LLGL2: variants seen among roughly 807,000 people sequenced by gnomAD.
LLGL2 encodes LLGL scribble cell polarity complex component 2.
A neutral mutation model predicts 123.2 loss-of-function variants in LLGL2; 81 were observed. The observed-to-expected ratio is 0.66, with a 90% CI of 0.55 to 0.79. The LOEUF (loss-of-function observed/expected upper bound fraction) is 0.79. Among genes scored for constraint, LLGL2 ranks in the 30% least tolerant of loss-of-function variants. The pLI, the probability that LLGL2 is intolerant of heterozygous loss-of-function variation, is 0.00. For synonymous variants in LLGL2, 577 were observed against 594.1 expected, an observed-to-expected ratio of 0.97 and a Z score of 0.42; for missense variants, 1,273 against 1,414.6, an observed-to-expected ratio of 0.90 and a Z score of 1.61.
At chr17:75,571,845 G>C in intron 18 of LLGL2, 53 bp from the exon 19 acceptor site, 1 of 1,605,400 alleles carries the variant, frequency 6.2e-7, no homozygotes, top group Admixed American at 1.7e-5. Flanking sequence ...CCAGGGAGTG[G>C]CTCCAGCCCT....
At chr17:75,528,441 C>T (rs368997071) in intron 1 of LLGL2, among the ~76,000 whole-genome samples, 2 of 151,898 alleles carry the variant, frequency 1.3e-5, no homozygotes, top group African/African-American at 4.8e-5. Context: ...TATACCGCAA[C>T]ATTAAAAGAA....
intron 3 of LLGL2, among the ~76,000 whole-genome samples, chr17:75,556,760 T>A (rs1027665778): frequency 4.6e-5 from 7 of 152,178 alleles, no homozygotes; most frequent in Admixed American, 1.3e-4. Context: ...GTTTTTAATT[T>A]AAAAAAATTT....
intron 1 of LLGL2, among the ~76,000 whole-genome samples, chr17:75,540,410 C>T (rs2054162550): frequency 6.6e-6 from 1 of 152,206 alleles, no homozygotes; most frequent in Non-Finnish European, 1.5e-5. Flanking sequence ...GCCCACCCTG[C>T]CTTGGTCCTC....
intron 10 of LLGL2, among the ~76,000 whole-genome samples, chr17:75,565,938 C>G (rs1034804476): frequency 6.6e-6 from 1 of 152,198 alleles, no homozygotes; most frequent in Non-Finnish European, 1.5e-5. Flanking sequence ...GAACTTAGAT[C>G]TGAGTATGTG....
chr17:75,569,948 T>C lies in LLGL2; in HGVS notation c.1582-15T>C. On this transcript the variant is annotated splice_polypyrimidine_tract_variant and intron_variant, in intron 14 of 25. Transcript: ENST00000392550. ...TTTGCTGAGGGCTTGCTGAGCCACCTGCCACCCTGCGCAGGTGCTGGTACT... is the reference window on the plus strand; with the variant it reads ...TTTGCTGAGGGCTTGCTGAGCCACCCGCCACCCTGCGCAGGTGCTGGTACT... 6.4e-7 allele frequency: 1 copy of C among 1,566,902 alleles called. No homozygotes were observed. The highest frequency in any genetic ancestry group is 1.3e-5 in the African/African-American group (1 of 74,120).
Position 75,558,469 on chromosome 17 carries a change from C to T in LLGL2, c.256-43C>T, listed in dbSNP as rs1038318706. The T allele has an allele frequency of 1.3e-6, 2 of 1,503,864 alleles. No homozygotes were observed. The highest frequency in any genetic ancestry group is 1.8e-6 in the Non-Finnish European group (2 of 1,104,582). The allele number at this position is 1,503,864 out of a possible 1,614,324, so 93.2% of individuals were successfully genotyped here. A position where few individuals can be genotyped will look rare whatever the true frequency, so the allele number is the denominator to read the frequency against. ...TGGCCCCAGTGTGTAAAGGCCTTGC[C>T]TGGGTAGCAAGACCACATGATCCCG... On this transcript the variant is annotated intron_variant, in intron 4 of 25. Coordinates refer to ENST00000392550, the MANE Select transcript of LLGL2 (RefSeq NM_001031803.2). The surrounding 1 kb of genome is among the most constrained non-coding windows in gnomAD (Gnocchi z 4.0).
intron 1 of LLGL2, chr17:75,533,630 G>C (rs1035225576): frequency 2.6e-5 from 4 of 152,078 alleles, no homozygotes; most frequent in African/African-American, 4.8e-5. Flanking sequence ...GATGCCTCTT[G>C]TGTGGTTCTA....
In LLGL2 at chr17:75,573,178, G is replaced by A; in HGVS notation, c.2625G>A (p.Val875=). The change falls in exon 20 of 26, where the codon GTG becomes GTA. Residue 875 remains valine (V), a synonymous_variant. Transcript: ENST00000392550. ...AVLTNLGDIQ[V]VSLPLLKPQV... is the part of the protein sequence containing the mutation. Reference sequence around the variant, plus strand: ...TTACCAACCTGGGCGACATCCAGGTGGTCTCGCTGCCCCTGCTCAAGCCCC... The same window carrying A: ...TTACCAACCTGGGCGACATCCAGGTAGTCTCGCTGCCCCTGCTCAAGCCCC... 6.2e-7 allele frequency: 1 copy of A among 1,613,040 alleles called. No homozygotes were observed. The highest frequency in any genetic ancestry group is 8.5e-7 in the Non-Finnish European group (1 of 1,179,920).
At chr17:75,573,321 G>A in intron 20 of LLGL2, 43 bp downstream of exon 20, 1 of 1,570,090 alleles carries the variant, frequency 6.4e-7, no homozygotes, top group Middle Eastern at 1.7e-4. Flanking sequence ...CCCGGGCACT[G>A]CACGGACGGG....
chr17:75,546,472 T>C (rs535102754), intron 2 of LLGL2: 72 of 177,334 alleles, frequency 4.1e-4, no homozygotes, highest in African/African-American at 1.5e-3. Context: ...CACGTCTGGC[T>C]GGCGGCTGCA....
chr17:75,530,251 C>T (rs1288001083), intron 1 of LLGL2, among the ~76,000 whole-genome samples: 1 of 152,122 alleles, frequency 6.6e-6, no homozygotes, highest in Non-Finnish European at 1.5e-5. Context: ...GCCTGTAATC[C>T]CAGTGCTTTG....
At position 75,537,730 on chromosome 17, in the gene LLGL2, C is replaced by T. The variant is rs1042094360; in HGVS notation, c.-30-5667C>T. On this transcript the variant is annotated intron_variant, in intron 1 of 25. Transcript: ENST00000392550. ...AAAAATCCCTTAAAACCATGGTGGACAGGGACAGCCTCCCAGCCTCCTAGG... is the reference window on the plus strand; with the variant it reads ...AAAAATCCCTTAAAACCATGGTGGATAGGGACAGCCTCCCAGCCTCCTAGG... Among the ~76,000 whole-genome samples, 2 of 150,700 alleles carry T rather than the reference C, an allele frequency of 1.3e-5. 1 individual carries two copies. The highest frequency in any genetic ancestry group is 2.9e-5 in the Non-Finnish European group (2 of 67,818).
intron 1 of LLGL2, among the ~76,000 whole-genome samples, chr17:75,532,080 T>TACACAC (rs1444218695): frequency 3.5e-5 from 1 of 28,218 alleles, no homozygotes; most frequent in Admixed American, 2.3e-4. Context: ...ACACACACTT[T>TACACAC]TTTTTTTTTT....
At chr17:75,574,155 G>A (rs2055863966) in intron 22 of LLGL2, 58 bp from the exon 23 acceptor site, 2 of 1,522,826 alleles carry the variant, frequency 1.3e-6, no homozygotes, top group Middle Eastern at 1.7e-4. Flanking sequence ...TAAGGAGAGA[G>A]AGAGCCAGGC....
At chr17:75,570,590 C>A in intron 16 of LLGL2, 92 bp downstream of exon 16, 1 of 1,423,244 alleles carries the variant, frequency 7.0e-7, no homozygotes, top group Non-Finnish European at 9.4e-7. Flanking sequence ...GCTCCCCAGG[C>A]TTGCTAGGCT....
At chr17:75,565,616 G>A (rs931694513) in intron 10 of LLGL2, among the ~76,000 whole-genome samples, 5 of 152,156 alleles carry the variant, frequency 3.3e-5, no homozygotes, top group Non-Finnish European at 5.9e-5. Context: ...GATTCCCAGC[G>A]GAAAGGTCAG....
At chr17:75,574,022 C>A (rs761184078) in intron 22 of LLGL2, 42 bp downstream of exon 22, 11 of 1,550,128 alleles carry the variant, frequency 7.1e-6, no homozygotes, top group Non-Finnish European at 9.6e-6. Context: ...TGGGCCACAC[C>A]CGGCCCAGAC....
rs183722539 is a variant in LLGL2, at chr17:75,569,822, C to T, written c.1582-141C>T. ...GTCTCAAAAAAAAAAAAAAAAAATG[C>T]AGGAGAGCTGGGGTTGGACAGAGGC... On this transcript the variant is annotated intron_variant, in intron 14 of 25. Coordinates refer to ENST00000392550, the MANE Select transcript of LLGL2 (RefSeq NM_001031803.2). 2,310 of 788,376 alleles carry T rather than the reference C, an allele frequency of 2.9e-3. 48 individuals carry two copies. In the African/African-American group the frequency reaches 0.038, roughly 13 times the overall value. 48.8% of individuals were successfully genotyped at this position (788,376 alleles called of 1,614,324 possible).
chr17:75,560,823 A>AC (rs1418432110), intron 6 of LLGL2, among the ~76,000 whole-genome samples: 4 of 108,446 alleles, frequency 3.7e-5, no homozygotes, highest in Non-Finnish European at 7.1e-5. Context: ...AAAAAAAAAA[A>AC]AAAAAAAAAC....
Sources: gnomAD v4.1 joint callset for allele counts (sites outside exome capture counted in the v4.1 genomes callset) on GRCh38, gnomAD v4.1.1 for gene constraint, Gnocchi (gnomAD v3.1) non-coding constraint, MANE v1.5 for transcripts, NCBI Gene and HGNC (gene_info 2026-07-23, HGNC 2026-07-21) for gene names.